PRORP: variants seen among roughly 807,000 people sequenced by gnomAD.
PRORP encodes mitochondrial ribonuclease P catalytic subunit.
A neutral mutation model predicts 59.4 loss-of-function variants in PRORP; 51 were observed. The observed-to-expected ratio is 0.86, with a 90% CI of 0.69 to 1.08. PRORP has a LOEUF of 1.08. PRORP is among the 50% of genes least tolerant of loss of function. The pLI is 0.00. For missense variants in PRORP, 646 were observed against 690.3 expected (o/e 0.94, Z 0.72); for synonymous variants, 231 against 245.6 (o/e 0.94, Z 0.55).
intron 5 of PRORP, among the ~76,000 whole-genome samples, chr14:35,245,913 G>A (rs1378953463): frequency 6.6e-6 from 1 of 152,226 alleles, no homozygotes; most frequent in East Asian, 1.9e-4. Context: ...TACATAGGAG[G>A]TAAAATTTTT....
chr14:35,250,831 T>C (rs2050594512), intron 5 of PRORP, among the ~76,000 whole-genome samples: 1 of 152,224 alleles, frequency 6.6e-6, no homozygotes, highest in Non-Finnish European at 1.5e-5. Flanking sequence ...TTTCAGTCTT[T>C]TGGAGGTGGC....
intron 5 of PRORP, among the ~76,000 whole-genome samples, chr14:35,215,311 C>G (rs573948905): frequency 1.3e-5 from 2 of 152,154 alleles, no homozygotes; most frequent in Non-Finnish European, 2.9e-5. Flanking sequence ...AGGAACTGAA[C>G]AATGGTAGAA....
At chr14:35,212,904 A>G (rs1054759517) in intron 5 of PRORP, among the ~76,000 whole-genome samples, 1 of 152,222 alleles carries the variant, frequency 6.6e-6, no homozygotes, top group East Asian at 1.9e-4. Flanking sequence ...TCCATTGCCA[A>G]TCTGTTGTTT....
At chr14:35,213,695 A>G (rs76872729) in intron 5 of PRORP, among the ~76,000 whole-genome samples, 9,288 of 152,284 alleles carry the variant, frequency 0.061, 366 homozygotes, top group Middle Eastern at 0.11. Context: ...AGATGGAAGA[A>G]CAGCTGATGG....
At chr14:35,265,810 A>G (rs983063892) in intron 5 of PRORP, among the ~76,000 whole-genome samples, 1 of 152,122 alleles carries the variant, frequency 6.6e-6, no homozygotes, top group Non-Finnish European at 1.5e-5. Flanking sequence ...TGACATGTAT[A>G]GGAAACAAAA....
chr14:35,155,373 A>G (rs2047887689), intron 4 of PRORP, among the ~76,000 whole-genome samples: 2 of 152,042 alleles, frequency 1.3e-5, no homozygotes, highest in Admixed American at 1.3e-4. Context: ...TTATTATACT[A>G]TTCTGTCTAC....
chr14:35,148,135 A>T (rs2047655485), intron 4 of PRORP, among the ~76,000 whole-genome samples: 1 of 152,240 alleles, frequency 6.6e-6, no homozygotes, highest in Non-Finnish European at 1.5e-5. Context: ...ATGAATCACA[A>T]ATGTTCTTAG....
intron 5 of PRORP, among the ~76,000 whole-genome samples, chr14:35,196,278 C>G (rs756021734): frequency 2.0e-5 from 3 of 152,128 alleles, no homozygotes; most frequent in African/African-American, 4.8e-5. Context: ...AGTTAGAGAC[C>G]GGCCTGGGCA....
chr14:35,160,397 T>C (rs1265550755), intron 4 of PRORP, among the ~76,000 whole-genome samples: 1 of 152,244 alleles, frequency 6.6e-6, no homozygotes, highest in Admixed American at 6.5e-5. Flanking sequence ...TATTTAACAT[T>C]AGTCAGATTT....
rs930370252 is a variant in PRORP, at chr14:35,273,966, C to A, written c.*400C>A. 6.3e-6 allele frequency: 1 copy of A among 158,102 alleles called. No homozygotes were observed. Among genetic ancestry groups the A allele is most frequent in the African/African-American group, 2.4e-5 (1 of 41,520 alleles). 9.8% of individuals were successfully genotyped at this position (158,102 alleles called of 1,614,324 possible). A position where few individuals can be genotyped will look rare whatever the true frequency, so the allele number is the denominator to read the frequency against. Reference sequence around the variant, plus strand: ...TGAGATACTCATGTTGTTTCAAATGCCTCCTCCCATTTCTGGCATAGTCTC... The same window carrying A: ...TGAGATACTCATGTTGTTTCAAATGACTCCTCCCATTTCTGGCATAGTCTC... On this transcript the variant is annotated 3_prime_UTR_variant, in exon 8 of 8. Coordinates refer to ENST00000534898, the MANE Select transcript of PRORP (RefSeq NM_014672.4).
Position 35,273,498 on chromosome 14 carries a change from G to C in PRORP, c.1684G>C (p.Glu562Gln). 6.2e-7 allele frequency: 1 copy of C among 1,613,664 alleles called. No individual in the cohort carries two copies. Reference sequence around the variant, plus strand: ...AGACTCGTGGCACATACCATATGATGAAGACTTGGTAGAAAGATGTTCCTG... The same window carrying C: ...AGACTCGTGGCACATACCATATGATCAAGACTTGGTAGAAAGATGTTCCTG... ...TGDSWHIPYD[E>Q]DLVERCSCEV... is the part of the protein sequence containing the mutation. The change falls in exon 8 of 8, where the codon GAA becomes CAA. Residue 562 changes from glutamate to glutamine, a missense_variant. Glu to Gln is a conservative substitution (Grantham distance 29). Coordinates refer to ENST00000534898, the MANE Select transcript of PRORP (RefSeq NM_014672.4).
chr14:35,127,439 G>T, intron 3 of PRORP, 40 bp from the exon 4 acceptor site: 3 of 1,405,860 alleles, frequency 2.1e-6, no homozygotes, highest in Non-Finnish European at 1.9e-6. Flanking sequence ...AACATTATTC[G>T]ACATATTTAA....
intron 5 of PRORP, among the ~76,000 whole-genome samples, chr14:35,202,291 T>C (rs2049176527): frequency 6.6e-6 from 1 of 152,112 alleles, no homozygotes; most frequent in Non-Finnish European, 1.5e-5. Context: ...AAAAACATGA[T>C]AATTAGGTAG....
At chr14:35,231,261 A>T (rs1413275716) in intron 5 of PRORP, among the ~76,000 whole-genome samples, 1 of 152,192 alleles carries the variant, frequency 6.6e-6, no homozygotes, top group Non-Finnish European at 1.5e-5. Flanking sequence ...TCCTAATCAT[A>T]TACTAAATAG....
chr14:35,145,732 A>AGAGG (rs560787538), intron 4 of PRORP, among the ~76,000 whole-genome samples: 1 of 127,758 alleles, frequency 7.8e-6, no homozygotes, highest in Non-Finnish European at 1.8e-5. Context: ...AAAGAAAGAA[A>AGAGG]GAAGGAAGGA....
At chr14:35,273,353 C>T (rs2051243956) in intron 7 of PRORP, 82 bp from the exon 8 acceptor site, 1 of 1,385,526 alleles carries the variant, frequency 7.2e-7, no homozygotes. Flanking sequence ...CTGGAGCAAA[C>T]TTGAGAAGTG....
At chr14:35,253,331 C>CAA (rs1344336297) in intron 5 of PRORP, among the ~76,000 whole-genome samples, 4 of 68,132 alleles carry the variant, frequency 5.9e-5, no homozygotes, top group Admixed American at 1.5e-4. Context: ...GAGACTGTTT[C>CAA]AAAAAAAAAA....
At chr14:35,148,911 A>ATTTTTTTTTTT (rs1186320988) in intron 4 of PRORP, among the ~76,000 whole-genome samples, 2 of 82,840 alleles carry the variant, frequency 2.4e-5, no homozygotes, top group Non-Finnish European at 4.4e-5. Context: ...GCACTTTTTA[A>ATTTTTTTTTTT]TTTTTTTTTT....
Position 35,273,519 on chromosome 14 carries a change from T to G in PRORP, c.1705T>G (p.Ser569Ala). 1 of 1,613,874 alleles carries G rather than the reference T, an allele frequency of 6.2e-7. No individual in the cohort carries two copies. The highest frequency in any genetic ancestry group is 8.5e-7 in the Non-Finnish European group (1 of 1,179,866). Residue 569 changes from serine to alanine, a missense_variant, in exon 8 of 8, where the codon TCC becomes GCC. Transcript: ENST00000534898. ...PYDEDLVERC[S>A]CEVPTKWLCL... ...TGATGAAGACTTGGTAGAAAGATGT[T>G]CCTGTGAAGTACCAACCAAATGGCT...
Sources: allele counts gnomAD v4.1 joint callset (sites outside exome capture counted in the v4.1 genomes callset), GRCh38; gene constraint gnomAD v4.1.1; transcripts MANE v1.5; gene names NCBI Gene and HGNC (gene_info 2026-07-23, HGNC 2026-07-21).